FARP2: variants seen among roughly 807,000 people sequenced by gnomAD.
FARP2 encodes the protein FERM, ARH/RhoGEF and pleckstrin domain protein 2.
Under a neutral mutation model 130.5 loss-of-function variants are expected in FARP2, and 111 were observed. The ratio of observed to expected loss-of-function variants is 0.85; its 90% CI spans 0.73 to 1.00. The LOEUF (loss-of-function observed/expected upper bound fraction) is 1.00. Ranked by LOEUF, FARP2 falls within the 50% of genes least tolerant of loss-of-function variation. FARP2 has a pLI of 0.00. For missense variants in FARP2, 1,385 were observed against 1,346.3 expected (o/e 1.03, Z -0.45); for synonymous variants, 504 against 516.9 (o/e 0.98, Z 0.34).
chr2:241,421,519 T>C (rs1000419898), intron 8 of FARP2, among the ~76,000 whole-genome samples: 1 of 152,160 alleles, frequency 6.6e-6, no homozygotes, highest in Non-Finnish European at 1.5e-5. Flanking sequence ...CCACCATCTC[T>C]AGTTTGGTTG....
chr2:241,387,680 G>A (rs2061818237), intron 2 of FARP2, among the ~76,000 whole-genome samples: 1 of 151,278 alleles, frequency 6.6e-6, no homozygotes. Flanking sequence ...GTAGTCCCAG[G>A]TACTCAGGAG....
intron 6 of FARP2, among the ~76,000 whole-genome samples, chr2:241,412,106 T>G (rs1166174998): frequency 1.3e-5 from 2 of 152,196 alleles, no homozygotes; most frequent in African/African-American, 4.8e-5. Context: ...CTGTTCCTGA[T>G]CTGGGTAGTT....
chr2:241,357,843 A>G (rs541121439), intron 1 of FARP2, among the ~76,000 whole-genome samples: 62 of 152,316 alleles, frequency 4.1e-4, no homozygotes, highest in African/African-American at 1.5e-3. Context: ...CCAAAGAGGA[A>G]GTTGATATAA....
chr2:241,379,091 T>C (rs921417161), intron 2 of FARP2, among the ~76,000 whole-genome samples: 1 of 152,214 alleles, frequency 6.6e-6, no homozygotes, highest in African/African-American at 2.4e-5. Flanking sequence ...GAAAAGTGTC[T>C]AACTCCATTG....
At chr2:241,456,453 A>G (rs2063839092) in intron 13 of FARP2, 4 of 312,838 alleles carry the variant, frequency 1.3e-5, no homozygotes, top group Non-Finnish European at 2.3e-5. Context: ...AGAGCCCAAA[A>G]GAAGCCCCTA....
At chr2:241,465,729 A>G (rs1263726451) in intron 17 of FARP2, 11 of 1,550,848 alleles carry the variant, frequency 7.1e-6, no homozygotes, top group Non-Finnish European at 9.6e-6. Context: ...GCATAACACC[A>G]TGAAGCTGAG....
chr2:241,372,598 C>G (rs1027293597), intron 1 of FARP2: 4 of 152,246 alleles, frequency 2.6e-5, no homozygotes, highest in Non-Finnish European at 5.9e-5. Flanking sequence ...CTGCCTGACA[C>G]GCGTTGATGC....
chr2:241,481,817 CAA>C (rs2064623364), intron 19 of FARP2, among the ~76,000 whole-genome samples: 1 of 152,138 alleles, frequency 6.6e-6, no homozygotes, highest in Non-Finnish European at 1.5e-5. Context: ...AGCCATGCAT[CAA>C]ACTCAGGCTC....
chr2:241,426,641 A>C, intron 8 of FARP2, among the ~76,000 whole-genome samples: 1 of 152,148 alleles, frequency 6.6e-6, no homozygotes, highest in East Asian at 1.9e-4. Context: ...GAGGAAGAGG[A>C]CTTGATGTGG....
intron 13 of FARP2, among the ~76,000 whole-genome samples, chr2:241,455,735 C>CTTTTTT (rs1180839402): frequency 5.5e-4 from 52 of 94,758 alleles, no homozygotes; most frequent in Non-Finnish European, 7.7e-4. Flanking sequence ...CTAAAGTTTT[C>CTTTTTT]TTTTTTTTTT....
At chr2:241,436,687 G>T in intron 12 of FARP2, 149 bp downstream of exon 12, 3 of 734,080 alleles carry the variant, frequency 4.1e-6, no homozygotes, top group East Asian at 2.7e-5. Flanking sequence ...TTCAGAAAGG[G>T]GTCCTGAATA....
At chr2:241,389,995 CA>C (rs2061870380) in intron 2 of FARP2, among the ~76,000 whole-genome samples, 1 of 152,156 alleles carries the variant, frequency 6.6e-6, no homozygotes, top group Admixed American at 6.5e-5. Flanking sequence ...TCTTCTAAGC[CA>C]AACTGGGCCC....
chr2:241,384,954 T>C (rs1413477373), intron 2 of FARP2, among the ~76,000 whole-genome samples: 1 of 152,114 alleles, frequency 6.6e-6, no homozygotes, highest in East Asian at 1.9e-4. Context: ...ACATAGAAAA[T>C]AATAGAAACA....
At chr2:241,436,608 G>A in intron 12 of FARP2, 70 bp downstream of exon 12, 1 of 1,193,598 alleles carries the variant, frequency 8.4e-7, no homozygotes, top group South Asian at 1.2e-5. Flanking sequence ...TAGTCTGTCA[G>A]TATTGTAACA....
chr2:241,376,244 T>C (rs2061534004), intron 2 of FARP2, among the ~76,000 whole-genome samples: 1 of 152,236 alleles, frequency 6.6e-6, no homozygotes. Context: ...AAGTGGGCAC[T>C]GCAGTGTCCT....
At chr2:241,454,062 C>G (rs557944403) in intron 13 of FARP2, among the ~76,000 whole-genome samples, 3 of 152,116 alleles carry the variant, frequency 2.0e-5, no homozygotes, top group South Asian at 4.1e-4. Flanking sequence ...GGGATTATAG[C>G]CATGAGTCAC....
intron 19 of FARP2, among the ~76,000 whole-genome samples, chr2:241,476,690 A>T (rs1274666784): frequency 2.6e-5 from 4 of 152,196 alleles, no homozygotes; most frequent in Non-Finnish European, 5.9e-5. Flanking sequence ...ACTCCGTCTC[A>T]AAATAAAATA....
intron 9 of FARP2, among the ~76,000 whole-genome samples, chr2:241,433,129 T>TAAA (rs56707238): frequency 6.9e-6 from 1 of 143,916 alleles, no homozygotes. Flanking sequence ...ACTCTGTAAG[T>TAAA]AAAAAAAAAA....
chr2:241,388,637 T>C (rs1053028408), intron 2 of FARP2, among the ~76,000 whole-genome samples: 3 of 152,150 alleles, frequency 2.0e-5, no homozygotes, highest in Non-Finnish European at 2.9e-5. Flanking sequence ...ATAACTCTTA[T>C]AGCCTGGGCA....
Sources: allele counts gnomAD v4.1 joint callset (sites outside exome capture counted in the v4.1 genomes callset), GRCh38; gene constraint gnomAD v4.1.1; transcripts MANE v1.5; gene names NCBI Gene and HGNC (gene_info 2026-07-23, HGNC 2026-07-21).